CA2: variants seen among roughly 807,000 people sequenced by gnomAD.
The protein encoded by CA2 is carbonate dehydratase II.
A neutral mutation model predicts 27.8 loss-of-function variants in CA2; 23 were observed. The ratio of observed to expected loss-of-function variants is 0.83; its 90% CI spans 0.59 to 1.17. CA2 has a LOEUF of 1.17. Among genes scored for constraint, CA2 ranks in the 50% most tolerant of loss-of-function variants. The probability of loss-of-function intolerance (pLI) is 0.00; values close to 1 mark genes in which losing one functional copy is unlikely to be tolerated. For synonymous variants in CA2, 99 were observed against 114.9 expected (o/e 0.86, Z 0.88); for missense variants, 300 against 314.7 (o/e 0.95, Z 0.35).
At chr8:85,464,778 G>A in intron 1 of CA2, 1 of 159,056 alleles carries the variant, frequency 6.3e-6, no homozygotes, top group Non-Finnish European at 1.4e-5. Context: ...TGCGTCTGGC[G>A]CACCTAGCGC....
intron 2 of CA2, among the ~76,000 whole-genome samples, chr8:85,469,686 C>A (rs1438759650): frequency 6.6e-6 from 1 of 152,158 alleles, no homozygotes; most frequent in African/African-American, 2.4e-5. Flanking sequence ...TTAATACTCT[C>A]CTGCTTTATT....
chr8:85,472,956 C>A (rs931757382), intron 2 of CA2, among the ~76,000 whole-genome samples: 1 of 150,844 alleles, frequency 6.6e-6, no homozygotes, highest in African/African-American at 2.4e-5. Flanking sequence ...ATCGCACCAC[C>A]GCACTCCAGC....
rs892997189 is a variant in CA2, at chr8:85,477,194, A to G, written c.582A>G (p.Pro194=). The G allele has an allele frequency of 1.2e-6, 2 of 1,614,052 alleles. No individual in the cohort carries two copies. The highest frequency in any genetic ancestry group is 1.7e-5 in the Admixed American group (1 of 60,002). Residue 194 remains proline, a synonymous_variant, in exon 6 of 7, where the codon CCA becomes CCG. Coordinates refer to ENST00000285379, the MANE Select transcript of CA2 (RefSeq NM_000067.3). ...LPESLDYWTY[P]GSLTTPPLLE... is the part of the protein sequence containing the mutation. Reference sequence around the variant, plus strand: ...AATCCTTGGATTACTGGACCTACCCAGGCTCACTGACCACCCCTCCTCTTC... The same window carrying G: ...AATCCTTGGATTACTGGACCTACCCGGGCTCACTGACCACCCCTCCTCTTC...
At chr8:85,476,736 C>T (rs1187668011) in intron 5 of CA2, among the ~76,000 whole-genome samples, 1 of 152,098 alleles carries the variant, frequency 6.6e-6, no homozygotes. Flanking sequence ...AAAATCACCT[C>T]CTCATCAGGA....
At chr8:85,477,073 ACT>A in intron 5 of CA2, 45 bp from the exon 6 acceptor site, 1 of 1,601,796 alleles carries the variant, frequency 6.2e-7, no homozygotes, top group Non-Finnish European at 8.6e-7. Context: ...CCTTCCTCCT[ACT>A]CTGTCAATGT....
intron 6 of CA2, among the ~76,000 whole-genome samples, 174 bp from the exon 7 acceptor site, chr8:85,480,496 G>A (rs1028606827): frequency 2.0e-5 from 3 of 150,696 alleles, no homozygotes; most frequent in Non-Finnish European, 3.0e-5. Context: ...GGCTGGTCTC[G>A]AATTGCTGAC....
At chr8:85,473,374 C>T in intron 2 of CA2, 1 of 481,674 alleles carries the variant, frequency 2.1e-6, no homozygotes, top group South Asian at 1.5e-5. Flanking sequence ...ATCTATGACT[C>T]TAAAACAAAC....
At chr8:85,477,334 C>A in intron 6 of CA2, 59 bp downstream of exon 6, 1 of 1,595,876 alleles carries the variant, frequency 6.3e-7, no homozygotes, top group Non-Finnish European at 8.6e-7. Flanking sequence ...GGCAGAAGAC[C>A]TTGGCCTCCA....
At chr8:85,472,169 TG>T (rs937916993) in intron 2 of CA2, among the ~76,000 whole-genome samples, 6 of 152,156 alleles carry the variant, frequency 3.9e-5, no homozygotes, top group Non-Finnish European at 5.9e-5. Context: ...GAACAAATCT[TG>T]TTGTACAGAA....
At chr8:85,472,857 G>A (rs1811729949) in intron 2 of CA2, among the ~76,000 whole-genome samples, 1 of 151,678 alleles carries the variant, frequency 6.6e-6, no homozygotes, top group Admixed American at 6.6e-5. Flanking sequence ...TGGACATGGT[G>A]GTGCACACCT....
intron 2 of CA2, among the ~76,000 whole-genome samples, chr8:85,468,763 C>CA (rs1484213090): frequency 1.3e-5 from 2 of 150,172 alleles, no homozygotes; most frequent in African/African-American, 5.0e-5. Flanking sequence ...CATCTCAAAA[C>CA]AAACAAACAA....
At position 85,480,714 on chromosome 8, in the gene CA2, CG is replaced by C; in HGVS notation, c.709del (p.Glu237LysfsTer3). On this transcript the variant is annotated frameshift_variant, in exon 7 of 7. Transcript: ENST00000285379. LOFTEE classifies it high-confidence loss of function. ...KLNFNGEGEP[E>X]ELMVDNWRPA... ...TTAACTTCAATGGGGAGGGTGAACC[CG>C]AAGAACTGATGGTGGACAACTGGCG... 6.2e-7 allele frequency: 1 copy of C among 1,613,588 alleles called. No homozygotes were observed. Among genetic ancestry groups the C allele is most frequent in the Non-Finnish European group, 8.5e-7 (1 of 1,179,686 alleles).
intron 6 of CA2, among the ~76,000 whole-genome samples, chr8:85,479,007 A>G (rs752234335): frequency 8.5e-5 from 13 of 152,194 alleles, no homozygotes; most frequent in Non-Finnish European, 1.6e-4. Flanking sequence ...TTTCTTGCTC[A>G]GTCCCTAGCC....
At chr8:85,465,532 G>A in intron 2 of CA2, 63 bp downstream of exon 2, 19 of 1,340,192 alleles carry the variant, frequency 1.4e-5, no homozygotes, top group Non-Finnish European at 1.8e-5. Context: ...CTTAATGGAA[G>A]GAGCCAGGAA....
chr8:85,480,618 A>T, intron 6 of CA2, 52 bp from the exon 7 acceptor site: 1 of 1,570,242 alleles, frequency 6.4e-7, no homozygotes, highest in East Asian at 2.2e-5. Context: ...CAAGTATATA[A>T]CTGAATACCA....
At chr8:85,472,534 CAGAATAGT>C (rs1811726331) in intron 2 of CA2, among the ~76,000 whole-genome samples, 1 of 151,828 alleles carries the variant, frequency 6.6e-6, no homozygotes, top group African/African-American at 2.4e-5. Flanking sequence ...ACATTAATGC[CAGAATAGT>C]AGAATCGTGG....
In CA2 at chr8:85,473,968, T is replaced by G; in HGVS notation, c.351+157T>G. On this transcript the variant is annotated intron_variant, in intron 3 of 6. Coordinates refer to ENST00000285379, the MANE Select transcript of CA2 (RefSeq NM_000067.3). ...ATTTGCTTTTTATAACCTTTAATTG[T>G]GACATCATACTTAACGCTGCAAAAC... The G allele has an allele frequency of 4.6e-6, 3 of 658,658 alleles. 1 individual carries two copies. The Admixed American group carries it at 7.3e-5, about 16-fold the overall frequency. 40.8% of individuals were successfully genotyped at this position (658,658 alleles called of 1,614,324 possible).
chr8:85,465,175 G>C, intron 1 of CA2, 97 bp from the exon 2 acceptor site: 10 of 970,048 alleles, frequency 1.0e-5, no homozygotes, highest in Non-Finnish European at 1.6e-5. Context: ...TCTAAAATTG[G>C]AACTGAGCAG....
intron 6 of CA2, 123 bp downstream of exon 6, chr8:85,477,398 A>G: frequency 9.0e-7 from 1 of 1,112,014 alleles, no homozygotes; most frequent in East Asian, 2.4e-5. Flanking sequence ...TGCTATGGAA[A>G]TAGTGCCTTT....
Sources: gnomAD v4.1 joint callset for allele counts (sites outside exome capture counted in the v4.1 genomes callset) on GRCh38, gnomAD v4.1.1 for gene constraint, MANE v1.5 for transcripts, NCBI Gene and HGNC (gene_info 2026-07-23, HGNC 2026-07-21) for gene names.